The following PLA2G5 variants were observed in gnomAD, a reference collection of about 807,000 sequenced individuals.
PLA2G5 encodes Ca2+-dependent phospholipase A2.
PLA2G5 carries 12 observed loss-of-function variants against 15.9 expected under a neutral mutation model. The ratio of observed to expected loss-of-function variants is 0.76; its 90% confidence interval spans 0.48 to 1.23. The LOEUF is 1.23. PLA2G5 is among the 50% of genes most tolerant of loss of function. PLA2G5 has a pLI of 0.00. For missense variants in PLA2G5, 169 were observed against 177.1 expected (o/e 0.95, Z 0.26); for synonymous variants, 71 against 71.4 (o/e 0.99, Z 0.03).
At chr1:20,029,422 T>C (rs758082119) in intron 1 of PLA2G5, among the ~76,000 whole-genome samples, 3 of 142,466 alleles carry the variant, frequency 2.1e-5, no homozygotes, top group Non-Finnish European at 4.5e-5. Context: ...TATGCTCCTC[T>C]CAAGGTCCAG....
chr1:20,067,505 C>T (rs976797914), upstream of PLA2G5, among the ~76,000 whole-genome samples: 6 of 151,446 alleles, frequency 4.0e-5, no homozygotes, highest in African/African-American at 7.3e-5. Context: ...TTGGGCAACA[C>T]GGTGAAACTC....
In PLA2G5 at chr1:20,073,353, A is replaced by G. The variant is rs535200150; in HGVS notation, c.-11+2888A>G. ...TGGTGTGTGGATTGCCTTCTTAGCCAAAGTTATGGTGAAAGTTGAACTTGA... is the reference window on the plus strand; with the variant it reads ...TGGTGTGTGGATTGCCTTCTTAGCCGAAGTTATGGTGAAAGTTGAACTTGA... On this transcript the variant is annotated intron_variant, in intron 1 of 4. Coordinates refer to ENST00000375108, the MANE Select transcript of PLA2G5 (RefSeq NM_000929.3). 2.0e-5 allele frequency among the ~76,000 whole-genome samples: 3 copies of G among 152,322 alleles called. No homozygotes were observed. The South Asian group carries it at 6.2e-4, about 32-fold the overall frequency.
intron 3 of PLA2G5, among the ~76,000 whole-genome samples, chr1:20,087,809 C>A (rs2016369446): frequency 6.6e-6 from 1 of 151,950 alleles, no homozygotes; most frequent in Non-Finnish European, 1.5e-5. Context: ...TAAACGCAAA[C>A]AAAACGGAAG....
chr1:20,087,921 C>G (rs1269177088), intron 3 of PLA2G5, among the ~76,000 whole-genome samples: 2 of 152,196 alleles, frequency 1.3e-5, no homozygotes, highest in African/African-American at 4.8e-5. Context: ...TGGCCCCAAA[C>G]TCCAGTCTTA....
rs559434201 is a variant in PLA2G5 at position 20,061,013 on chromosome 1, G to T, written n.337+1321G>T. ...ATTACAGGCATGAGCCATCGCACCC[G>T]GCCTAGAGCAAGTCTTTTGTTGCAG... On this transcript the variant is annotated intron_variant and non_coding_transcript_variant, in intron 2 of 6. Transcript: ENST00000460175. 1.9e-3 allele frequency among the ~76,000 whole-genome samples: 284 copies of T among 152,234 alleles called. 4 individuals carry two copies. The highest frequency in any genetic ancestry group is 0.014 in the Middle Eastern group (4 of 294).
At chr1:20,070,850 G>T (rs1396361339) in intron 1 of PLA2G5, 1 of 152,216 alleles carries the variant, frequency 6.6e-6, no homozygotes, top group Admixed American at 6.5e-5. Flanking sequence ...TTTAGGGAGA[G>T]AATTCGCCGA....
At chr1:20,039,928 C>A (rs891037540) in intron 1 of PLA2G5, among the ~76,000 whole-genome samples, 1 of 152,116 alleles carries the variant, frequency 6.6e-6, no homozygotes, top group Admixed American at 6.6e-5. Flanking sequence ...AATTTATAAA[C>A]TAGATATTGT....
chr1:20,058,611 T>C (rs2014552523), intron 1 of PLA2G5, among the ~76,000 whole-genome samples: 1 of 152,164 alleles, frequency 6.6e-6, no homozygotes, highest in Non-Finnish European at 1.5e-5. Flanking sequence ...GATACAATCA[T>C]ATGAGCCTTG....
intron 1 of PLA2G5, among the ~76,000 whole-genome samples, chr1:20,078,358 G>A (rs1486970467): frequency 1.4e-5 from 2 of 146,660 alleles, no homozygotes; most frequent in African/African-American, 5.4e-5. Flanking sequence ...TAGAGGCAAG[G>A]GATTTTTTTT....
At chr1:20,063,173 A>G (rs572590213) in intron 2 of PLA2G5, among the ~76,000 whole-genome samples, 5 of 152,308 alleles carry the variant, frequency 3.3e-5, no homozygotes, top group African/African-American at 1.2e-4. Flanking sequence ...AGCCCAGGCA[A>G]CAGAGTGAGA....
At chr1:20,082,470 A>C (rs2016084838) in intron 1 of PLA2G5, among the ~76,000 whole-genome samples, 1 of 151,882 alleles carries the variant, frequency 6.6e-6, no homozygotes, top group African/African-American at 2.4e-5. Context: ...CACATGTGTG[A>C]GCCCACTCAC....
At chr1:20,034,272 G>A (rs1307632351) in intron 1 of PLA2G5, among the ~76,000 whole-genome samples, 3 of 152,178 alleles carry the variant, frequency 2.0e-5, no homozygotes, top group African/African-American at 4.8e-5. Context: ...TGGAACCCCT[G>A]TGGAAGTCCA....
intron 1 of PLA2G5, among the ~76,000 whole-genome samples, chr1:20,079,113 CAA>C (rs5772882): frequency 0.32 from 33,040 of 103,556 alleles, 4,372 homozygotes; most frequent in East Asian, 0.41. Flanking sequence ...GACCCTGTCT[CAA>C]AAAAAAAAAA....
rs2016482870 is a variant in PLA2G5, at chr1:20,089,890, CCT to C, written c.288_289del (p.Cys97ArgfsTer14). The stretch of plus-strand genomic sequence containing the variant: ...TACAGATTCGCGTGGGGCGTGGTCA[CCT>C]GCGGTAAGGCTGGGGCTTCCCGTTC... On this transcript the variant is annotated frameshift_variant, in exon 4 of 5. Transcript: ENST00000375108. LOFTEE classifies it low-confidence loss of function (END_TRUNC). 1.9e-6 allele frequency: 3 copies of C among 1,611,670 alleles called. No homozygotes were observed. Among genetic ancestry groups the C allele is most frequent in the Non-Finnish European group, 2.5e-6 (3 of 1,178,472 alleles).
intron 2 of PLA2G5, among the ~76,000 whole-genome samples, chr1:20,062,541 C>A (rs1035433775): frequency 6.6e-6 from 1 of 152,168 alleles, no homozygotes; most frequent in South Asian, 2.1e-4. Context: ...TGCCTGTAAT[C>A]CTAGCACTTT....
chr1:20,088,138 A>T (rs925387261), intron 3 of PLA2G5, among the ~76,000 whole-genome samples: 7 of 152,208 alleles, frequency 4.6e-5, no homozygotes, highest in Middle Eastern at 3.2e-3. Context: ...CAGGTGGATG[A>T]CCTGAGGTCG....
At chr1:20,038,388 C>G (rs911461890) in intron 1 of PLA2G5, among the ~76,000 whole-genome samples, 35 of 152,206 alleles carry the variant, frequency 2.3e-4, no homozygotes, top group African/African-American at 8.0e-4. Context: ...GCAGCCCTCC[C>G]CAAGGACCCC....
upstream of PLA2G5, among the ~76,000 whole-genome samples, chr1:20,065,306 C>T (rs370374778): frequency 2.0e-5 from 3 of 152,134 alleles, no homozygotes; most frequent in African/African-American, 7.2e-5. Flanking sequence ...TTAAGGTTCA[C>T]CTTTGTGATG....
chr1:20,057,498 A>G (rs933198563), intron 1 of PLA2G5, among the ~76,000 whole-genome samples: 3 of 151,864 alleles, frequency 2.0e-5, no homozygotes, highest in African/African-American at 7.3e-5. Flanking sequence ...TTTACTTTTA[A>G]TCTATATATG....
Sources: gnomAD v4.1 joint callset for allele counts (sites outside exome capture counted in the v4.1 genomes callset) on GRCh38, gnomAD v4.1.1 for gene constraint, MANE v1.5 for transcripts, NCBI Gene and HGNC (gene_info 2026-07-23, HGNC 2026-07-21) for gene names.